Variants in NBEA observed in about 807,000 individuals in gnomAD.
NBEA encodes lysosomal-trafficking regulator 2.
A neutral mutation model predicts 343.4 loss-of-function variants in NBEA; 44 were observed. That is an observed-to-expected ratio of 0.13 (90% CI 0.10 to 0.16). The LOEUF (loss-of-function observed/expected upper bound fraction) is 0.16, where lower values mean the gene tolerates loss of function less well. NBEA is among the 10% of genes least tolerant of loss of function. The pLI, the probability that NBEA is intolerant of heterozygous loss-of-function variation, is 1.00. For missense variants in NBEA, 2,555 were observed against 3,631.3 expected (o/e 0.70, Z 7.62); for synonymous variants, 1,175 against 1,238.7 (o/e 0.95, Z 1.08).
At chr13:35,321,964 C>G (rs1319537001) in intron 36 of NBEA, among the ~76,000 whole-genome samples, 1 of 152,160 alleles carries the variant, frequency 6.6e-6, no homozygotes, top group African/African-American at 2.4e-5. Context: ...GCTAGAGGGT[C>G]CCAGGTTGAC....
intron 1 of NBEA, among the ~76,000 whole-genome samples, chr13:34,996,304 GTCTT>G (rs2060938774): frequency 6.6e-6 from 1 of 151,972 alleles, no homozygotes. Flanking sequence ...TGTTGATAGA[GTCTT>G]TATTATTTAT....
chr13:35,546,226 TAGGC>T (rs1232126250), intron 41 of NBEA, among the ~76,000 whole-genome samples: 25 of 152,252 alleles, frequency 1.6e-4, no homozygotes, highest in African/African-American at 6.0e-4. Context: ...AGTGATAAGA[TAGGC>T]TGTGTGTTGG....
At chr13:34,983,523 T>C (rs2060435812) in intron 1 of NBEA, among the ~76,000 whole-genome samples, 1 of 152,212 alleles carries the variant, frequency 6.6e-6, no homozygotes, top group African/African-American at 2.4e-5. Flanking sequence ...TTATAATCTT[T>C]TGGGTATATA....
chr13:35,558,794 T>G (rs2079711209), intron 44 of NBEA, among the ~76,000 whole-genome samples: 1 of 152,174 alleles, frequency 6.6e-6, no homozygotes, highest in Non-Finnish European at 1.5e-5. Context: ...AAGATTTGCA[T>G]ATAAAACATT....
intron 1 of NBEA, among the ~76,000 whole-genome samples, chr13:34,969,014 G>A (rs2059915635): frequency 6.6e-6 from 1 of 151,574 alleles, no homozygotes; most frequent in Non-Finnish European, 1.5e-5. Flanking sequence ...ATCACAACTG[G>A]TAGGCTTTAT....
At chr13:35,470,074 A>G (rs1440012281) in intron 40 of NBEA, among the ~76,000 whole-genome samples, 3 of 152,232 alleles carry the variant, frequency 2.0e-5, no homozygotes, top group Admixed American at 1.3e-4. Context: ...TAAACATGCT[A>G]TGGAATTGGA....
intron 38 of NBEA, among the ~76,000 whole-genome samples, chr13:35,379,710 C>CTTT (rs35060619): frequency 6.9e-6 from 1 of 145,328 alleles, no homozygotes; most frequent in Non-Finnish European, 1.5e-5. Flanking sequence ...GTCAGGATTA[C>CTTT]TTTTTTTTTT....
intron 1 of NBEA, among the ~76,000 whole-genome samples, chr13:35,006,077 A>G (rs2061307347): frequency 6.6e-6 from 1 of 152,118 alleles, no homozygotes; most frequent in Non-Finnish European, 1.5e-5. Context: ...CAGTTTGCCA[A>G]TTCTTGTCTT....
intron 41 of NBEA, among the ~76,000 whole-genome samples, chr13:35,513,302 AT>A (rs754363500): frequency 0.015 from 1,075 of 72,280 alleles, 28 homozygotes; most frequent in African/African-American, 0.061. Context: ...ACACCTGGCA[AT>A]TTTTTTTTTT....
intron 1 of NBEA, among the ~76,000 whole-genome samples, chr13:34,993,916 G>A (rs189503264): frequency 1.5e-3 from 225 of 152,094 alleles, no homozygotes; most frequent in Non-Finnish European, 2.9e-3. Flanking sequence ...CTTCATAAGG[G>A]GCTGGGCATG....
intron 45 of NBEA, among the ~76,000 whole-genome samples, chr13:35,570,517 C>A (rs182595787): frequency 1.9e-4 from 29 of 152,348 alleles, no homozygotes; most frequent in Non-Finnish European, 4.0e-4. Flanking sequence ...GCATGTAGTT[C>A]TTCATGCTGT....
At chr13:35,373,754 A>G (rs1422822845) in intron 38 of NBEA, among the ~76,000 whole-genome samples, 4 of 151,406 alleles carry the variant, frequency 2.6e-5, no homozygotes, top group East Asian at 1.9e-4. Flanking sequence ...AAGAGAAAAT[A>G]TATTTATTAC....
intron 41 of NBEA, among the ~76,000 whole-genome samples, chr13:35,536,845 A>G (rs2078578876): frequency 2.0e-5 from 3 of 152,230 alleles, no homozygotes; most frequent in Non-Finnish European, 2.9e-5. Flanking sequence ...AAATCAACAT[A>G]AGCTCAGAAA....
chr13:35,487,932 G>T (rs2076362073), intron 41 of NBEA, among the ~76,000 whole-genome samples: 1 of 151,828 alleles, frequency 6.6e-6, no homozygotes. Context: ...ATTGGTACAT[G>T]TAAAGTGGAG....
At chr13:35,098,992 T>C (rs118118660) in intron 11 of NBEA, among the ~76,000 whole-genome samples, 6,899 of 151,678 alleles carry the variant, frequency 0.045, 236 homozygotes, top group Non-Finnish European at 0.067. Context: ...GAGGGAGTAC[T>C]GTAGTTGTTT....
At chr13:35,537,767 A>G (rs961952491) in intron 41 of NBEA, among the ~76,000 whole-genome samples, 2 of 152,186 alleles carry the variant, frequency 1.3e-5, no homozygotes, top group African/African-American at 4.8e-5. Flanking sequence ...CATGGTAGGT[A>G]ACAAGGGACT....
intron 1 of NBEA, among the ~76,000 whole-genome samples, chr13:34,990,309 A>G (rs2060706953): frequency 6.6e-6 from 1 of 151,198 alleles, no homozygotes; most frequent in South Asian, 2.1e-4. Flanking sequence ...CTGCCCCTGT[A>G]GCAGACTTCT....
intron 39 of NBEA, among the ~76,000 whole-genome samples, chr13:35,448,766 G>C (rs1035550988): frequency 6.7e-6 from 1 of 150,062 alleles, no homozygotes; most frequent in African/African-American, 2.4e-5. Context: ...AGGGAATGGG[G>C]TGGTGGGGTG....
At chr13:35,210,943 GT>G in intron 32 of NBEA, 109 bp from the exon 33 acceptor site, 1 of 1,181,544 alleles carries the variant, frequency 8.5e-7, no homozygotes, top group Non-Finnish European at 1.2e-6. Context: ...GTCAAATTCG[GT>G]TTTGAAAATC....
Sources: gnomAD v4.1 joint callset for allele counts (sites outside exome capture counted in the v4.1 genomes callset) on GRCh38, gnomAD v4.1.1 for gene constraint, MANE v1.5 for transcripts, NCBI Gene and HGNC (gene_info 2026-07-23, HGNC 2026-07-21) for gene names.